The following PXDNL variants were observed in gnomAD, a reference collection of about 807,000 sequenced individuals.
PXDNL encodes peroxidasin like, also known as probable oxidoreductase PXDNL.
PXDNL carries 145 observed loss-of-function variants against 150.8 expected under a neutral mutation model. The ratio of observed to expected loss-of-function variants is 0.96; its 90% CI spans 0.84 to 1.10. The LOEUF (loss-of-function observed/expected upper bound fraction) is 1.10, where lower values mean the gene tolerates loss of function less well. Among genes scored for constraint, PXDNL ranks in the 50% least tolerant of loss-of-function variants. The pLI is 0.00. For synonymous variants in PXDNL, 757 were observed against 725.7 expected, an observed-to-expected ratio of 1.04 and a Z score of -0.69; for missense variants, 2,087 against 1,873.9, an observed-to-expected ratio of 1.11 and a Z score of -2.10.
chr8:51,346,515 T>C (rs759327336), intron 19 of PXDNL, among the ~76,000 whole-genome samples: 83 of 152,344 alleles, frequency 5.4e-4, no homozygotes, highest in Middle Eastern at 3.4e-3. Flanking sequence ...CAAATAAATA[T>C]GGAACTTTAA....
chr8:51,558,159 G>A (rs1812634995), intron 3 of PXDNL, among the ~76,000 whole-genome samples: 1 of 152,088 alleles, frequency 6.6e-6, no homozygotes. Context: ...AAATCATAGT[G>A]TAGGTACGTG....
chr8:51,743,955 AG>A (rs1250541382), intron 1 of PXDNL, among the ~76,000 whole-genome samples: 116 of 8,836 alleles, frequency 0.013, 5 homozygotes, highest in African/African-American at 0.021. Flanking sequence ...AAAGAGAGAA[AG>A]AAAAAAGAGA....
chr8:51,771,429 C>T (rs2037291570), intron 1 of PXDNL, among the ~76,000 whole-genome samples: 2 of 152,202 alleles, frequency 1.3e-5, no homozygotes, highest in South Asian at 4.1e-4. Flanking sequence ...ACACAGTCTA[C>T]CCACTGTAAT....
At chr8:51,658,728 T>C (rs1191831792) in intron 1 of PXDNL, among the ~76,000 whole-genome samples, 1 of 152,234 alleles carries the variant, frequency 6.6e-6, no homozygotes, top group East Asian at 1.9e-4. Context: ...TACCCAGAAA[T>C]ACAATTCATT....
chr8:51,391,474 G>T (rs1456102362), intron 17 of PXDNL, among the ~76,000 whole-genome samples: 1 of 152,154 alleles, frequency 6.6e-6, no homozygotes, highest in Non-Finnish European at 1.5e-5. Context: ...GTTTTGATTT[G>T]CATTTCTCTG....
intron 2 of PXDNL, among the ~76,000 whole-genome samples, chr8:51,624,928 C>T (rs1397201504): frequency 2.6e-5 from 4 of 151,752 alleles, no homozygotes; most frequent in African/African-American, 4.8e-5. Context: ...TTTTACATAA[C>T]GTAATTCTAA....
chr8:51,595,259 T>C (rs1047179158), intron 2 of PXDNL, among the ~76,000 whole-genome samples: 1 of 152,176 alleles, frequency 6.6e-6, no homozygotes, highest in African/African-American at 2.4e-5. Context: ...CTTGCATATT[T>C]ACTAGTATAG....
intron 7 of PXDNL, among the ~76,000 whole-genome samples, chr8:51,474,168 G>T (rs1436800037): frequency 6.6e-6 from 1 of 152,144 alleles, no homozygotes; most frequent in Non-Finnish European, 1.5e-5. Flanking sequence ...CAGCGAGGGA[G>T]TGGAAAGCAA....
At chr8:51,642,463 C>T (rs981243772) in intron 2 of PXDNL, among the ~76,000 whole-genome samples, 7 of 152,152 alleles carry the variant, frequency 4.6e-5, no homozygotes, top group Admixed American at 6.5e-5. Context: ...TCAATAGATG[C>T]AGATAAGGCC....
At position 51,507,066 on chromosome 8, in the gene PXDNL, C is replaced by T. The variant is rs537463532; in HGVS notation, c.381-7296G>A. ...CTCTGGCTCCTTTAGTATATTAAAA[C>T]ATTAATAAGTACTTATTGAGTGCCC... On this transcript the variant is annotated intron_variant, in intron 4 of 22. Transcript: ENST00000356297. 4.3e-4 allele frequency among the ~76,000 whole-genome samples: 66 copies of T among 152,170 alleles called. 1 individual carries two copies. In the South Asian group the frequency reaches 0.013, roughly 31 times the overall value.
intron 12 of PXDNL, among the ~76,000 whole-genome samples, chr8:51,439,262 A>C (rs534623032): frequency 2.2e-4 from 33 of 152,326 alleles, no homozygotes; most frequent in African/African-American, 7.9e-4. Context: ...AAGTGGTCTA[A>C]GGACATGAAT....
intron 17 of PXDNL, among the ~76,000 whole-genome samples, chr8:51,401,886 G>T (rs1010192762): frequency 6.6e-6 from 1 of 152,164 alleles, no homozygotes; most frequent in African/African-American, 2.4e-5. Flanking sequence ...AAACACTCAG[G>T]AAAGGTGACG....
intron 16 of PXDNL, among the ~76,000 whole-genome samples, chr8:51,409,946 C>G (rs145511594): frequency 6.6e-6 from 1 of 152,292 alleles, no homozygotes; most frequent in South Asian, 2.1e-4. Flanking sequence ...GGAAAGAGAA[C>G]AGGTGCCAGC....
At chr8:51,580,000 T>C (rs1813168625) in intron 3 of PXDNL, among the ~76,000 whole-genome samples, 1 of 149,430 alleles carries the variant, frequency 6.7e-6, no homozygotes, top group African/African-American at 2.5e-5. Context: ...AAACTTAAAG[T>C]ATAATAATAA....
At chr8:51,579,574 C>A (rs528201131) in intron 3 of PXDNL, among the ~76,000 whole-genome samples, 16 of 152,048 alleles carry the variant, frequency 1.1e-4, no homozygotes, top group African/African-American at 3.9e-4. Context: ...TGTAACCCAG[C>A]AATCACACTC....
intron 16 of PXDNL, among the ~76,000 whole-genome samples, chr8:51,410,227 G>C (rs987237237): frequency 1.3e-5 from 2 of 152,152 alleles, no homozygotes; most frequent in African/African-American, 2.4e-5. Flanking sequence ...AAATAATAAG[G>C]GACATGCTTG....
At chr8:51,426,356 T>C (rs1348649510) in intron 13 of PXDNL, among the ~76,000 whole-genome samples, 1 of 152,154 alleles carries the variant, frequency 6.6e-6, no homozygotes, top group African/African-American at 2.4e-5. Flanking sequence ...AATTTATATG[T>C]GTCAAAACCA....
chr8:51,725,073 G>A (rs73588487), intron 1 of PXDNL, among the ~76,000 whole-genome samples: 7,514 of 151,982 alleles, frequency 0.049, 372 homozygotes, highest in African/African-American at 0.12. Flanking sequence ...CTGCAGGTTC[G>A]AACTCCGGGT....
chr8:51,525,693 A>G (rs1811756601), intron 4 of PXDNL, among the ~76,000 whole-genome samples: 1 of 152,218 alleles, frequency 6.6e-6, no homozygotes, highest in African/African-American at 2.4e-5. Context: ...GGCTCAGGGA[A>G]GATTCTGGCA....
Sources: allele counts gnomAD v4.1 joint callset (sites outside exome capture counted in the v4.1 genomes callset), GRCh38; gene constraint gnomAD v4.1.1; transcripts MANE v1.5; gene names NCBI Gene and HGNC (gene_info 2026-07-23, HGNC 2026-07-21).